PPP1R12B: variants seen among roughly 807,000 people sequenced by gnomAD.
PPP1R12B encodes the protein myosin phosphatase target subunit 2.
Under a neutral mutation model 126.1 loss-of-function variants are expected in PPP1R12B, and 76 were observed. The observed-to-expected ratio is 0.60, with a 90% CI of 0.50 to 0.73. The LOEUF (loss-of-function observed/expected upper bound fraction) is 0.73. PPP1R12B is among the 30% of genes least tolerant of loss of function. The pLI is 0.00. For synonymous variants in PPP1R12B, 356 were observed against 434.7 expected, an observed-to-expected ratio of 0.82 and a Z score of 2.25; for missense variants, 1,052 against 1,205.1, an observed-to-expected ratio of 0.87 and a Z score of 1.88.
At chr1:202,465,469 A>T (rs1289325169) in intron 13 of PPP1R12B, among the ~76,000 whole-genome samples, 1 of 152,196 alleles carries the variant, frequency 6.6e-6, no homozygotes, top group Admixed American at 6.5e-5. Flanking sequence ...TGAAATCTAG[A>T]TGGGAAATAG....
intron 1 of PPP1R12B, among the ~76,000 whole-genome samples, chr1:202,394,861 G>A (rs1240286778): frequency 1.3e-5 from 2 of 152,002 alleles, no homozygotes; most frequent in Non-Finnish European, 2.9e-5. Context: ...GGTGGTTTAC[G>A]CCTACAATCC....
In PPP1R12B at chr1:202,348,759, CT is replaced by C; in HGVS notation, c.-92del. 6.9e-7 allele frequency: 1 copy of C among 1,457,542 alleles called. No individual in the cohort carries two copies. The highest frequency in any genetic ancestry group is 1.4e-5 in the South Asian group (1 of 70,238). The allele number at this position is 1,457,542 out of a possible 1,614,324, so 90.3% of individuals were successfully genotyped here. A position where few individuals can be genotyped will look rare whatever the true frequency, so the allele number is the denominator to read the frequency against. ...GAGGGTCTCCGCCCTCTGCTCCGGGCTGAAGCGCTCTGAGAGAGGCGGCAGC... is the reference window on the plus strand; with the variant it reads ...GAGGGTCTCCGCCCTCTGCTCCGGGCGAAGCGCTCTGAGAGAGGCGGCAGC... On this transcript the variant is annotated 5_prime_UTR_variant, in exon 1 of 24. It removes the in-frame stop codon of an upstream open reading frame in the 5' UTR. Transcript: ENST00000608999.
intron 23 of PPP1R12B, among the ~76,000 whole-genome samples, chr1:202,578,794 A>G (rs697459): frequency 0.86 from 131,349 of 152,236 alleles, 56,980 homozygotes; most frequent in African/African-American, 0.96. Context: ...TGTTCTTACG[A>G]AAGTACAAAA....
chr1:202,510,953 A>G (rs986533100), intron 18 of PPP1R12B, among the ~76,000 whole-genome samples: 55 of 146,360 alleles, frequency 3.8e-4, no homozygotes, highest in East Asian at 3.9e-4. Context: ...AATATAATTT[A>G]TATGTATTAA....
At chr1:202,484,883 A>G (rs1487889517) in intron 13 of PPP1R12B, among the ~76,000 whole-genome samples, 3 of 152,024 alleles carry the variant, frequency 2.0e-5, no homozygotes, top group Non-Finnish European at 4.4e-5. Flanking sequence ...TTGACCAACT[A>G]TCAGGCCAAG....
At chr1:202,560,577 C>G (rs896222368) in intron 19 of PPP1R12B, among the ~76,000 whole-genome samples, 1 of 152,182 alleles carries the variant, frequency 6.6e-6, no homozygotes, top group Admixed American at 6.5e-5. Context: ...TCACGGCCAT[C>G]TTGGTTTTGT....
intron 18 of PPP1R12B, among the ~76,000 whole-genome samples, chr1:202,528,556 A>C (rs1233533734): frequency 8.5e-5 from 13 of 152,186 alleles, no homozygotes; most frequent in Non-Finnish European, 1.8e-4. Flanking sequence ...CATACTCTGC[A>C]AGTGTTTGCC....
chr1:202,388,775 T>C (rs908247313), intron 1 of PPP1R12B, among the ~76,000 whole-genome samples: 4 of 152,152 alleles, frequency 2.6e-5, no homozygotes, highest in African/African-American at 4.8e-5. Context: ...AAAATTTCCA[T>C]GGAAAAATTT....
intron 1 of PPP1R12B, among the ~76,000 whole-genome samples, chr1:202,387,241 G>A (rs1388239696): frequency 3.3e-5 from 5 of 152,170 alleles, no homozygotes; most frequent in East Asian, 1.9e-4. Context: ...TGTCAACAAC[G>A]TCAGTGTGGC....
intron 12 of PPP1R12B, chr1:202,443,154 C>T: frequency 1.0e-6 from 1 of 966,636 alleles, no homozygotes; most frequent in Non-Finnish European, 1.2e-6. Flanking sequence ...CTTTTCTCAT[C>T]TGTATTCCCT....
intron 1 of PPP1R12B, among the ~76,000 whole-genome samples, chr1:202,352,892 A>AAAAAG (rs1553260471): frequency 9.9e-5 from 15 of 150,900 alleles, no homozygotes; most frequent in Admixed American, 1.3e-4. Context: ...CGTTTCAAAA[A>AAAAAG]AAAAAGAAAA....
chr1:202,572,967 C>T (rs549538635), intron 23 of PPP1R12B, among the ~76,000 whole-genome samples: 2 of 152,298 alleles, frequency 1.3e-5, no homozygotes, highest in South Asian at 4.2e-4. Flanking sequence ...CAAATTCTTT[C>T]ACCTTGATCT....
chr1:202,439,457 C>A, intron 10 of PPP1R12B: 1 of 1,417,860 alleles, frequency 7.1e-7, no homozygotes, highest in Non-Finnish European at 9.8e-7. Flanking sequence ...GGCTGCCCGC[C>A]AAGTGCCCCG....
chr1:202,400,135 A>G (rs1665615756), intron 1 of PPP1R12B, among the ~76,000 whole-genome samples: 1 of 152,150 alleles, frequency 6.6e-6, no homozygotes, highest in African/African-American at 2.4e-5. Context: ...TTCCTGTGTT[A>G]ATTTACTTAG....
intron 13 of PPP1R12B, among the ~76,000 whole-genome samples, chr1:202,470,028 AC>A (rs907959755): frequency 3.9e-5 from 6 of 152,032 alleles, no homozygotes; most frequent in Non-Finnish European, 7.4e-5. Context: ...TTCCCCAGAT[AC>A]CCCCTTTTTC....
At chr1:202,427,311 G>A in intron 5 of PPP1R12B, 127 bp downstream of exon 5, 5 of 1,349,970 alleles carry the variant, frequency 3.7e-6, no homozygotes, top group Non-Finnish European at 5.0e-6. Context: ...TAGCTATAAT[G>A]TTACCCTCCA....
intron 18 of PPP1R12B, among the ~76,000 whole-genome samples, chr1:202,526,732 A>C (rs1228573109): frequency 6.6e-6 from 1 of 152,180 alleles, no homozygotes; most frequent in East Asian, 1.9e-4. Context: ...TACGATGTGG[A>C]GATACAGAAT....
At chr1:202,427,401 T>C (rs565855678) in intron 5 of PPP1R12B, among the ~76,000 whole-genome samples, 102 of 152,312 alleles carry the variant, frequency 6.7e-4, no homozygotes, top group African/African-American at 2.3e-3. Flanking sequence ...TGATTGTATT[T>C]ATGTTCAAGC....
At chr1:202,431,788 G>A (rs1434533698) in intron 8 of PPP1R12B, among the ~76,000 whole-genome samples, 169 bp downstream of exon 8, 1 of 152,186 alleles carries the variant, frequency 6.6e-6, no homozygotes, top group African/African-American at 2.4e-5. Context: ...AAAACTGTGA[G>A]CTATGTTAGA....
Sources: allele counts gnomAD v4.1 joint callset (sites outside exome capture counted in the v4.1 genomes callset), GRCh38; gene constraint gnomAD v4.1.1; transcripts MANE v1.5; gene names NCBI Gene and HGNC (gene_info 2026-07-23, HGNC 2026-07-21).